The following LTBP1 variants were observed in gnomAD, a reference collection of about 807,000 sequenced individuals.
LTBP1 encodes the protein latent-transforming growth factor beta-binding protein 1.
In LTBP1, 129 loss-of-function variants were observed where a neutral mutation model predicts 207.6. The ratio of observed to expected loss-of-function variants is 0.62; its 90% CI spans 0.54 to 0.72. The LOEUF (loss-of-function observed/expected upper bound fraction) is 0.72. Among genes scored for constraint, LTBP1 ranks in the 30% least tolerant of loss-of-function variants. The pLI, the probability that LTBP1 is intolerant of heterozygous loss-of-function variation, is 0.00. For missense variants in LTBP1, 2,281 were observed against 2,217.2 expected, an observed-to-expected ratio of 1.03 and a Z score of -0.58; for synonymous variants, 963 against 833.7, an observed-to-expected ratio of 1.16 and a Z score of -2.67.
intron 15 of LTBP1, among the ~76,000 whole-genome samples, chr2:33,265,732 T>G (rs1270385494): frequency 1.3e-5 from 2 of 152,140 alleles, no homozygotes; most frequent in African/African-American, 4.8e-5. Flanking sequence ...AAGTGTTTTA[T>G]TTTAGATTTT....
At chr2:33,317,660 A>G (rs1242695997) in intron 24 of LTBP1, 2 of 152,236 alleles carry the variant, frequency 1.3e-5, no homozygotes, top group South Asian at 4.1e-4. Context: ...AGTGGCTGGC[A>G]TTCTTATCTC....
At chr2:33,006,440 G>A (rs1686880881) in intron 2 of LTBP1, among the ~76,000 whole-genome samples, 1 of 146,646 alleles carries the variant, frequency 6.8e-6, no homozygotes, top group Admixed American at 6.9e-5. Flanking sequence ...CTGGAGTGCA[G>A]TGGCGCAATC....
intron 31 of LTBP1, among the ~76,000 whole-genome samples, chr2:33,385,775 G>A (rs2095260528): frequency 6.6e-6 from 1 of 152,146 alleles, no homozygotes; most frequent in African/African-American, 2.4e-5. Context: ...GACCTGTGCA[G>A]GCTCCCAGAA....
chr2:33,202,701 A>G (rs763104291), intron 7 of LTBP1, among the ~76,000 whole-genome samples: 2 of 152,262 alleles, frequency 1.3e-5, no homozygotes, highest in Non-Finnish European at 2.9e-5. Context: ...GAACTGAGCC[A>G]GGCTGGGTCA....
chr2:33,122,101 G>A (rs2150401566), intron 4 of LTBP1, among the ~76,000 whole-genome samples: 1 of 151,014 alleles, frequency 6.6e-6, no homozygotes. Flanking sequence ...CCTTGACTCT[G>A]GGCTTGGCCA....
At chr2:33,001,515 G>A (rs1328855453) in intron 2 of LTBP1, among the ~76,000 whole-genome samples, 1 of 134,774 alleles carries the variant, frequency 7.4e-6, no homozygotes, top group African/African-American at 2.6e-5. Context: ...TCTCCTGTTA[G>A]GTGTTTTCTC....
chr2:33,200,442 G>T (rs992452651), intron 7 of LTBP1, among the ~76,000 whole-genome samples: 14 of 152,190 alleles, frequency 9.2e-5, no homozygotes, highest in Non-Finnish European at 1.9e-4. Flanking sequence ...GCTGAAACTG[G>T]ATCTCTTCTT....
chr2:33,332,596 G>A (rs574557973), intron 24 of LTBP1, among the ~76,000 whole-genome samples: 10 of 149,934 alleles, frequency 6.7e-5, no homozygotes, highest in East Asian at 5.9e-4. Flanking sequence ...TTGCTCTGTC[G>A]CCCAGGCTGG....
intron 2 of LTBP1, among the ~76,000 whole-genome samples, chr2:32,990,361 T>C (rs1220717042): frequency 6.6e-6 from 1 of 152,234 alleles, no homozygotes; most frequent in African/African-American, 2.4e-5. Flanking sequence ...TATCTCAAAT[T>C]ACATGGAAGC....
At chr2:33,042,502 A>C (rs2076239115) in intron 3 of LTBP1, among the ~76,000 whole-genome samples, 1 of 152,222 alleles carries the variant, frequency 6.6e-6, no homozygotes, top group South Asian at 2.1e-4. Context: ...AAAAGGGAAA[A>C]CAGGGATTCT....
At chr2:33,245,409 G>A (rs889872719) in intron 10 of LTBP1, among the ~76,000 whole-genome samples, 1 of 152,190 alleles carries the variant, frequency 6.6e-6, no homozygotes, top group African/African-American at 2.4e-5. Context: ...ACTTTTAGGT[G>A]AGTTTGTTGA....
At chr2:33,279,987 T>C in intron 18 of LTBP1, 52 bp from the exon 19 acceptor site, 1 of 1,601,350 alleles carries the variant, frequency 6.2e-7, no homozygotes, top group African/African-American at 1.3e-5. Context: ...AAGTAAGATT[T>C]TGCTTTGGTA....
At chr2:33,373,804 G>A (rs1488306701) in intron 31 of LTBP1, among the ~76,000 whole-genome samples, 1 of 152,068 alleles carries the variant, frequency 6.6e-6, no homozygotes, top group East Asian at 1.9e-4. Flanking sequence ...GTGTAAAGTT[G>A]TATTTAATGA....
At chr2:33,150,772 G>C (rs2083462335) in intron 5 of LTBP1, among the ~76,000 whole-genome samples, 1 of 119,964 alleles carries the variant, frequency 8.3e-6, no homozygotes, top group African/African-American at 3.3e-5. Context: ...AGGCTGGAGT[G>C]CAGTGGCAAC....
At position 33,188,702 on chromosome 2, in the gene LTBP1, C is replaced by A. The variant is rs559982709; in HGVS notation, c.1552C>A (p.Gln518Lys). Residue 518 changes from glutamine (Q) to lysine (K), a missense_variant, in exon 7 of 34, where the codon CAA becomes AAA. Gln to Lys is a moderately conservative substitution (Grantham distance 53). Around this residue, in one of 3 missense-constraint regions of LTBP1, gnomAD observed 1,671 missense variants for 1,634.8 expected, o/e 1.02. Coordinates refer to ENST00000404816, the MANE Select transcript of LTBP1 (RefSeq NM_206943.4). Reference protein sequence around the residue: ...GQKTKEAQPGQSQVSYQGLPV... With the variant: ...GQKTKEAQPGKSQVSYQGLPV... ...GAAGACAAAAGAAGCTCAACCAGGC[C>A]AATCCCAAGTCTCGTACCAAGGGCT... 9 of 1,614,146 alleles carry A rather than the reference C, an allele frequency of 5.6e-6. No homozygotes were observed. The African/African-American group carries it at 9.3e-5, about 17-fold the overall frequency.
At chr2:33,108,635 G>A (rs192773130) in intron 3 of LTBP1, among the ~76,000 whole-genome samples, 4 of 152,226 alleles carry the variant, frequency 2.6e-5, no homozygotes, top group Non-Finnish European at 4.4e-5. Context: ...CGAATTAGGT[G>A]CAGTAGCCCA....
At chr2:33,372,402 A>G (rs1217996372) in intron 31 of LTBP1, among the ~76,000 whole-genome samples, 3 of 152,226 alleles carry the variant, frequency 2.0e-5, no homozygotes, top group Non-Finnish European at 4.4e-5. Context: ...ATAAGAGGCA[A>G]TGTGTCATCA....
chr2:32,948,908 C>G lies in LTBP1; in HGVS notation c.528C>G (p.Gly176=). 6.2e-7 allele frequency: 1 copy of G among 1,614,178 alleles called. No individual in the cohort carries two copies. Among genetic ancestry groups the G allele is most frequent in the Non-Finnish European group, 8.5e-7 (1 of 1,180,034 alleles). ...VNVCGGRCCH[G]WSKAPGSQRC... is the part of the protein sequence containing the mutation. Reference sequence around the variant, plus strand: ...TCTGTGGAGGGCGGTGCTGTCATGGCTGGAGTAAGGCCCCTGGCTCCCAGA... The same window carrying G: ...TCTGTGGAGGGCGGTGCTGTCATGGGTGGAGTAAGGCCCCTGGCTCCCAGA... Residue 176 remains glycine (G), a synonymous_variant, in exon 2 of 34, where the codon GGC becomes GGG. Coordinates refer to ENST00000404816, the MANE Select transcript of LTBP1 (RefSeq NM_206943.4).
At chr2:33,133,418 A>G (rs570160417) in intron 4 of LTBP1, among the ~76,000 whole-genome samples, 5 of 152,322 alleles carry the variant, frequency 3.3e-5, no homozygotes, top group Non-Finnish European at 5.9e-5. Context: ...TGACGGCCTT[A>G]AAGCCTGACA....
Sources: allele counts gnomAD v4.1 joint callset (sites outside exome capture counted in the v4.1 genomes callset), GRCh38; gene constraint gnomAD v4.1.1; regional missense constraint gnomAD v4.1.1; transcripts MANE v1.5; gene names NCBI Gene and HGNC (gene_info 2026-07-23, HGNC 2026-07-21).